CHL1: variants seen among roughly 807,000 people sequenced by gnomAD.
The protein encoded by CHL1 is cell adhesion molecule L1 like.
Under a neutral mutation model 141.9 loss-of-function variants are expected in CHL1, and 96 were observed. The observed-to-expected ratio is 0.68, with a 90% CI of 0.57 to 0.80. CHL1 has a LOEUF of 0.80. CHL1 is among the 30% of genes least tolerant of loss of function. The pLI, the probability that CHL1 is intolerant of heterozygous loss-of-function variation, is 0.00. For missense variants in CHL1, 1,820 were observed against 1,457.2 expected (o/e 1.25, Z -4.05); for synonymous variants, 613 against 502.2 (o/e 1.22, Z -2.95).
At chr3:228,400 T>G (rs1006602548) in intron 1 of CHL1, among the ~76,000 whole-genome samples, 2 of 152,184 alleles carry the variant, frequency 1.3e-5, no homozygotes, top group African/African-American at 4.8e-5. Flanking sequence ...CACAACTTTT[T>G]ATGTAGATAT....
intron 14 of CHL1, among the ~76,000 whole-genome samples, chr3:365,259 G>C (rs577846156): frequency 7.9e-5 from 12 of 152,308 alleles, no homozygotes; most frequent in African/African-American, 2.6e-4. Flanking sequence ...CAATCATAAT[G>C]AACCAAACAT....
At chr3:334,801 A>T (rs1701733370) in intron 5 of CHL1, among the ~76,000 whole-genome samples, 1 of 152,210 alleles carries the variant, frequency 6.6e-6, no homozygotes, top group Non-Finnish European at 1.5e-5. Flanking sequence ...TGTCATATGT[A>T]TTAATTAGGA....
intron 1 of CHL1, among the ~76,000 whole-genome samples, chr3:203,080 A>T (rs1001954046): frequency 3.3e-5 from 5 of 152,224 alleles, no homozygotes; most frequent in African/African-American, 1.2e-4. Flanking sequence ...CTGTGTCAGA[A>T]AAAGCTTTAA....
chr3:402,955 T>C (rs989704939), intron 27 of CHL1, among the ~76,000 whole-genome samples: 3 of 152,182 alleles, frequency 2.0e-5, no homozygotes, highest in Admixed American at 6.5e-5. Context: ...AATGTCCTCA[T>C]AATTCAGGAA....
In CHL1 at chr3:233,684, A is replaced by T. The variant is rs934434718; in HGVS notation, c.-174-10929A>T. On this transcript the variant is annotated intron_variant, in intron 1 of 27. Transcript: ENST00000256509. ...AAATTAAGCTCACATTCTATAAAAA[A>T]TTTTGTAGTGCTTTATTTCACCTAA... 2.0e-5 allele frequency among the ~76,000 whole-genome samples: 3 copies of T among 152,178 alleles called. 1 individual carries two copies. The highest frequency in any genetic ancestry group is 4.8e-5 in the African/African-American group (2 of 41,464).
chr3:386,678 G>A (rs1707748908), intron 19 of CHL1, among the ~76,000 whole-genome samples: 1 of 152,160 alleles, frequency 6.6e-6, no homozygotes, highest in Non-Finnish European at 1.5e-5. Context: ...ATGTTGGGAA[G>A]CAGGAACATC....
At chr3:332,644 C>G (rs375345302) in intron 5 of CHL1, among the ~76,000 whole-genome samples, 2 of 152,050 alleles carry the variant, frequency 1.3e-5, no homozygotes, top group East Asian at 3.8e-4. Flanking sequence ...TAGAATCAGA[C>G]CAGTGACATG....
At position 409,162 on chromosome 3, in the gene CHL1, C is replaced by G. The variant is rs1709711884; in HGVS notation, c.*3451C>G. ...CTATAGTGAAATAAGTAGGGTTCAG[C>G]CAAAGCTTTCTTTGTTTTGTACCTT... On this transcript the variant is annotated 3_prime_UTR_variant, in exon 28 of 28. Coordinates refer to ENST00000256509, the MANE Select transcript of CHL1 (RefSeq NM_006614.4). 6.6e-6 allele frequency: 1 copy of G among 151,996 alleles called. No homozygotes were observed. Among genetic ancestry groups the G allele is most frequent in the Admixed American group, 6.6e-5 (1 of 15,244 alleles). 9.4% of individuals were successfully genotyped at this position (151,996 alleles called of 1,614,324 possible). A position where few individuals can be genotyped will look rare whatever the true frequency, so the allele number is the denominator to read the frequency against.
rs879364371 is a variant in CHL1 at position 332,045 on chromosome 3, TTA to T, written c.385+3692_385+3693del. 7.5e-3 allele frequency among the ~76,000 whole-genome samples: 1,140 copies of T among 152,354 alleles called. 15 individuals are homozygous for T. Among genetic ancestry groups the T allele is most frequent in the African/African-American group, 0.026 (1,085 of 41,584 alleles). On this transcript the variant is annotated intron_variant, in intron 5 of 27. Transcript: ENST00000256509. Reference sequence around the variant, plus strand: ...ATCCCCTCCTTCGTTGAAGATGCTCTTACTTATGACCAAACAATTCCGTTCCC... The same window carrying T: ...ATCCCCTCCTTCGTTGAAGATGCTCTCTTATGACCAAACAATTCCGTTCCC...
chr3:200,069 C>A (rs1008376449), intron 1 of CHL1, among the ~76,000 whole-genome samples: 1 of 152,174 alleles, frequency 6.6e-6, no homozygotes, highest in South Asian at 2.1e-4. Flanking sequence ...ATTAGTGTGA[C>A]AGCTTCTCTG....
intron 2 of CHL1, among the ~76,000 whole-genome samples, chr3:301,292 C>T (rs1698704738): frequency 6.6e-6 from 1 of 152,084 alleles, no homozygotes; most frequent in South Asian, 2.1e-4. Flanking sequence ...TTTTGGTTCA[C>T]CTAGTGTTTC....
At chr3:261,787 A>G (rs1002560757) in intron 2 of CHL1, among the ~76,000 whole-genome samples, 8 of 152,116 alleles carry the variant, frequency 5.3e-5, no homozygotes, top group Non-Finnish European at 8.8e-5. Context: ...AAAGATAATA[A>G]TTGGGAAGTA....
At chr3:398,008 C>G (rs181860451) in intron 24 of CHL1, among the ~76,000 whole-genome samples, 125 of 152,220 alleles carry the variant, frequency 8.2e-4, no homozygotes, top group Middle Eastern at 3.4e-3. Flanking sequence ...ACCATTTCAT[C>G]TTAAATGGCC....
intron 11 of CHL1, among the ~76,000 whole-genome samples, chr3:358,137 T>C: frequency 6.6e-6 from 1 of 152,190 alleles, no homozygotes; most frequent in East Asian, 1.9e-4. Flanking sequence ...TACATTTCTG[T>C]AAAAGTCCAA....
chr3:221,439 T>C (rs1163908465), intron 1 of CHL1, among the ~76,000 whole-genome samples: 1 of 152,200 alleles, frequency 6.6e-6, no homozygotes, highest in Non-Finnish European at 1.5e-5. Context: ...GATTAAAAGG[T>C]GAGCCTATTA....
At position 306,187 on chromosome 3, in the gene CHL1, G is replaced by A. The variant is rs192558107; in HGVS notation, c.-94-13496G>A. Among the ~76,000 whole-genome samples, 195 of 152,266 alleles carry A rather than the reference G, an allele frequency of 1.3e-3. 1 individual carries two copies. The highest frequency in any genetic ancestry group is 4.5e-3 in the African/African-American group (186 of 41,562). On this transcript the variant is annotated intron_variant, in intron 2 of 27. Transcript: ENST00000256509. ...TTCTTCTCATACAAGCACAGGGAAC[G>A]ATCAATCAGTGTTGACAGCTCTAAT...
At chr3:277,933 C>G (rs1469731182) in intron 2 of CHL1, among the ~76,000 whole-genome samples, 1 of 152,302 alleles carries the variant, frequency 6.6e-6, no homozygotes, top group East Asian at 1.9e-4. Flanking sequence ...TACATCTCTG[C>G]ATCTAACAGA....
In CHL1 at chr3:239,595, A is replaced by ATATATATATATATATATATATATAT. The variant is rs5845955; in HGVS notation, c.-174-5018_-174-5017insTATATATATATATATATATATATAT. ...TAATTCATCTAAACAGTATATATAT[A>ATATATATATATATATATATATATAT]AAATATATATATTTTAAAATTATTT... On this transcript the variant is annotated intron_variant, in intron 1 of 27. Transcript: ENST00000256509. Among the ~76,000 whole-genome samples the ATATATATATATATATATATATATAT allele has an allele frequency of 8.8e-4, 128 of 146,222 alleles. 1 individual carries two copies. Among genetic ancestry groups the ATATATATATATATATATATATATAT allele is most frequent in the African/African-American group, 2.0e-3 (80 of 39,902 alleles).
chr3:272,563 A>G (rs1343334919), intron 2 of CHL1, among the ~76,000 whole-genome samples: 1 of 152,270 alleles, frequency 6.6e-6, no homozygotes, highest in East Asian at 1.9e-4. Flanking sequence ...CCTATTAGCC[A>G]TGGCATTTTC....
Sources: allele counts gnomAD v4.1 joint callset (sites outside exome capture counted in the v4.1 genomes callset), GRCh38; gene constraint gnomAD v4.1.1; transcripts MANE v1.5; gene names NCBI Gene and HGNC (gene_info 2026-07-23, HGNC 2026-07-21).